TGIF1: variants seen among roughly 807,000 people sequenced by gnomAD.
TGIF1 encodes TGFB induced factor homeobox 1, also known as homeobox protein TGIF1.
In TGIF1, 4 loss-of-function variants were observed where a neutral mutation model predicts 19.3. The observed-to-expected ratio is 0.21, with a 90% CI of 0.10 to 0.47. The LOEUF (loss-of-function observed/expected upper bound fraction) is 0.47. TGIF1 is among the 20% of genes least tolerant of loss of function. TGIF1 has a pLI of 0.98. For synonymous variants in TGIF1, 122 were observed against 129.3 expected (o/e 0.94, Z 0.38); for missense variants, 275 against 341.4 (o/e 0.81, Z 1.53).
Position 3,452,319 on chromosome 18 carries a change from C to T in TGIF1, c.16+1814C>T, listed in dbSNP as rs371801723. Reference sequence around the variant, plus strand: ...CCGGCCGCATCGGTGGGAACTTCCGCGGTCCCCATCCCAGGGCGCACAGGG... The same window carrying T: ...CCGGCCGCATCGGTGGGAACTTCCGTGGTCCCCATCCCAGGGCGCACAGGG... On this transcript the variant is annotated intron_variant, in intron 1 of 2. Transcript: ENST00000343820. The T allele has an allele frequency of 6.1e-5, 98 of 1,613,050 alleles. 1 individual carries two copies. In the Middle Eastern group the frequency reaches 2.0e-3, roughly 33 times the overall value.
chr18:3,414,356 C>T (rs2082304753), intron 1 of TGIF1, among the ~76,000 whole-genome samples: 1 of 152,190 alleles, frequency 6.6e-6, no homozygotes, highest in Non-Finnish European at 1.5e-5. Flanking sequence ...TTCTCATTTA[C>T]ACAACTAATT....
intron 2 of TGIF1, among the ~76,000 whole-genome samples, chr18:3,438,717 G>A (rs1048615591): frequency 6.6e-6 from 1 of 152,018 alleles, no homozygotes. Context: ...ATCTCAAAGT[G>A]AGATACTGAT....
intron 2 of TGIF1, among the ~76,000 whole-genome samples, chr18:3,419,860 G>T (rs2082378681): frequency 6.6e-6 from 1 of 152,122 alleles, no homozygotes; most frequent in Non-Finnish European, 1.5e-5. Context: ...ACAAAAATTA[G>T]CTGGGCATGG....
At chr18:3,441,200 C>G (rs962370153) in intron 2 of TGIF1, among the ~76,000 whole-genome samples, 1 of 152,134 alleles carries the variant, frequency 6.6e-6, no homozygotes, top group Admixed American at 6.6e-5. Context: ...GGGCTTATGC[C>G]TGAATGTGCT....
intron 2 of TGIF1, among the ~76,000 whole-genome samples, chr18:3,442,018 A>G (rs1342196048): frequency 6.6e-6 from 1 of 152,254 alleles, no homozygotes; most frequent in African/African-American, 2.4e-5. Flanking sequence ...TTAAAAAGAA[A>G]AAGAAAGCCC....
chr18:3,422,108 C>T (rs952341930), intron 2 of TGIF1, among the ~76,000 whole-genome samples: 66 of 149,900 alleles, frequency 4.4e-4, no homozygotes, highest in African/African-American at 1.6e-3. Flanking sequence ...GCAGGAGAAT[C>T]GCTTGAACCT....
At chr18:3,452,349 G>C (rs1357495586) in intron 1 of TGIF1, 1 of 1,613,328 alleles carries the variant, frequency 6.2e-7, no homozygotes, top group South Asian at 1.1e-5. Flanking sequence ...ACAGGGTCCA[G>C]CTCCTCGGCG....
chr18:3,427,195 C>T (rs1270422649), intron 2 of TGIF1, among the ~76,000 whole-genome samples: 5 of 152,132 alleles, frequency 3.3e-5, no homozygotes, highest in South Asian at 2.1e-4. Flanking sequence ...CCACCCGCCT[C>T]GGCCTCTCAA....
Position 3,456,733 on chromosome 18 carries a change from C to G in TGIF1, c.243+153C>G. ...ACTTGATAGTGTTAAAAGCTAATAA[C>G]TAGCTATTTAGAGAACACAGAAACA... On this transcript the variant is annotated intron_variant, in intron 2 of 2. Coordinates refer to ENST00000343820, the MANE Select transcript of TGIF1 (RefSeq NM_003244.4). This position sits in a 1 kb window ranked among gnomAD's most constrained non-coding sequence, Gnocchi z 4.2. The G allele has an allele frequency of 1.3e-6, 1 of 759,294 alleles. No individual in the cohort carries two copies. The highest frequency in any genetic ancestry group is 2.7e-5 in the East Asian group (1 of 37,558). The allele number at this position is 759,294 out of a possible 1,614,324, so 47.0% of individuals were successfully genotyped here.
intron 1 of TGIF1, among the ~76,000 whole-genome samples, chr18:3,414,733 A>AT (rs898999418): frequency 5.9e-5 from 9 of 151,902 alleles, no homozygotes; most frequent in Admixed American, 5.3e-4. Context: ...AATTTCAAGA[A>AT]TTTTTTTTCA....
intron 2 of TGIF1, among the ~76,000 whole-genome samples, chr18:3,443,032 A>T (rs1373489093): frequency 1.3e-5 from 2 of 152,186 alleles, no homozygotes; most frequent in Non-Finnish European, 2.9e-5. Context: ...GTTTTGATGC[A>T]GCTATTCCAC....
intron 2 of TGIF1, among the ~76,000 whole-genome samples, chr18:3,429,710 C>A (rs752913376): frequency 5.9e-5 from 9 of 152,140 alleles, no homozygotes; most frequent in Non-Finnish European, 1.3e-4. Context: ...TTAAAAAACA[C>A]AATCAAAGTA....
chr18:3,423,403 A>G (rs528102612), intron 2 of TGIF1, among the ~76,000 whole-genome samples: 121 of 152,050 alleles, frequency 8.0e-4, no homozygotes, highest in Non-Finnish European at 1.0e-3. Flanking sequence ...TTTAAGGCTG[A>G]GCGCAGTGGC....
At chr18:3,422,786 G>A (rs557117256) in intron 2 of TGIF1, among the ~76,000 whole-genome samples, 16 of 148,652 alleles carry the variant, frequency 1.1e-4, no homozygotes, top group Non-Finnish European at 2.1e-4. Flanking sequence ...CACCTCCTGG[G>A]TTCACACCAT....
Position 3,453,737 on chromosome 18 carries a change from G to A in TGIF1, c.17-2617G>A, listed in dbSNP as rs1207684222. On this transcript the variant is annotated intron_variant, in intron 1 of 2. Transcript: ENST00000343820. The stretch of plus-strand genomic sequence containing the variant: ...CGTGCAGGAACAAGGTCGCTGCTTA[G>A]GGCGGTGGGATCCTCAGGCCATGTT... 4.5e-6 allele frequency: 4 copies of A among 886,652 alleles called. No homozygotes were observed. The Admixed American group carries it at 2.5e-4, about 55-fold the overall frequency. 54.9% of individuals were successfully genotyped at this position (886,652 alleles called of 1,614,324 possible). A position where few individuals can be genotyped will look rare whatever the true frequency, so the allele number is the denominator to read the frequency against.
At chr18:3,448,702 T>A, upstream of TGIF1, 3 of 751,894 alleles carry the variant, frequency 4.0e-6, no homozygotes, top group Non-Finnish European at 4.8e-6. Context: ...CCACGCATTC[T>A]AGGGGCGGGG....
rs974436252 is a variant in TGIF1, at chr18:3,451,614, G to T, written c.16+1109G>T. ...CTCCACATTCTTTCAGACCCGGCCC[G>T]CTGCGGGGCGTTCCTGGGGGGTAGC... On this transcript the variant is annotated intron_variant, in intron 1 of 2. Coordinates refer to ENST00000343820, the MANE Select transcript of TGIF1 (RefSeq NM_003244.4). This position sits in a 1 kb window ranked among gnomAD's most constrained non-coding sequence, Gnocchi z 5.4. 8.4e-6 allele frequency: 9 copies of T among 1,074,666 alleles called. No homozygotes were observed. In the South Asian group the frequency reaches 3.5e-4, roughly 42 times the overall value. 66.6% of individuals were successfully genotyped at this position (1,074,666 alleles called of 1,614,324 possible).
Position 3,451,988 on chromosome 18 carries a change from A to G in TGIF1, c.16+1483A>G. On this transcript the variant is annotated intron_variant, in intron 1 of 2. Transcript: ENST00000343820. This position sits in a 1 kb window ranked among gnomAD's most constrained non-coding sequence, Gnocchi z 5.4. The stretch of plus-strand genomic sequence containing the variant: ...GGCTCTGTGTTTCGAGGATGGTTCT[A>G]GCGCAGAGCCGGGTGTCTGCCGGGG... 1 of 1,595,802 alleles carries G rather than the reference A, an allele frequency of 6.3e-7. No homozygotes were observed. Among genetic ancestry groups the G allele is most frequent in the Non-Finnish European group, 8.5e-7 (1 of 1,170,306 alleles).
At chr18:3,424,927 C>A (rs753157243) in intron 2 of TGIF1, among the ~76,000 whole-genome samples, 1 of 152,186 alleles carries the variant, frequency 6.6e-6, no homozygotes, top group Non-Finnish European at 1.5e-5. Context: ...TTCTAATATC[C>A]TTTATAATAA....
Sources: allele counts gnomAD v4.1 joint callset (sites outside exome capture counted in the v4.1 genomes callset), GRCh38; gene constraint gnomAD v4.1.1; non-coding constraint Gnocchi (gnomAD v3.1); transcripts MANE v1.5; gene names NCBI Gene and HGNC (gene_info 2026-07-23, HGNC 2026-07-21).